MYO1E: variants seen among roughly 807,000 people sequenced by gnomAD.
MYO1E encodes myosin IE.
MYO1E carries 68 observed loss-of-function variants against 151.1 expected under a neutral mutation model. That is an observed-to-expected ratio of 0.45 (90% CI 0.37 to 0.55). The LOEUF (loss-of-function observed/expected upper bound fraction) is 0.55, where lower values mean the gene tolerates loss of function less well. Among genes scored for constraint, MYO1E ranks in the 20% least tolerant of loss-of-function variants. MYO1E has a pLI of 0.00. For missense variants in MYO1E, 1,363 were observed against 1,389.3 expected, an observed-to-expected ratio of 0.98 and a Z score of 0.30; for synonymous variants, 601 against 501.7, an observed-to-expected ratio of 1.20 and a Z score of -2.64.
chr15:59,272,961 T>A (rs1190327039), intron 1 of MYO1E, among the ~76,000 whole-genome samples: 5 of 152,222 alleles, frequency 3.3e-5, no homozygotes, highest in African/African-American at 1.2e-4. Flanking sequence ...AAAGGCTATG[T>A]CACACGGTCA....
At chr15:59,147,558 T>C (rs1020781714) in intron 26 of MYO1E, among the ~76,000 whole-genome samples, 4 of 120,236 alleles carry the variant, frequency 3.3e-5, no homozygotes, top group Non-Finnish European at 6.5e-5. Flanking sequence ...GATCGCGCCA[T>C]TGCACTCCAG....
intron 1 of MYO1E, among the ~76,000 whole-genome samples, chr15:59,329,357 T>G (rs2098005048): frequency 6.6e-6 from 1 of 152,160 alleles, no homozygotes; most frequent in African/African-American, 2.4e-5. Flanking sequence ...GTGCCATAGC[T>G]AGAAAGTGGT....
At chr15:59,208,146 A>G in intron 14 of MYO1E, 2 of 1,433,278 alleles carry the variant, frequency 1.4e-6, no homozygotes, top group Non-Finnish European at 1.9e-6. Flanking sequence ...GGATTATATA[A>G]CGAAATTTTG....
intron 26 of MYO1E, among the ~76,000 whole-genome samples, chr15:59,138,743 A>G (rs1433348558): frequency 3.3e-5 from 5 of 152,188 alleles, no homozygotes; most frequent in Non-Finnish European, 5.9e-5. Context: ...CAGGTGCCAC[A>G]GAAGCCTGTA....
At chr15:59,333,299 G>A (rs2080708925) in intron 1 of MYO1E, among the ~76,000 whole-genome samples, 1 of 152,036 alleles carries the variant, frequency 6.6e-6, no homozygotes, top group South Asian at 2.1e-4. Context: ...GAGTGCAGTG[G>A]TGCAATCTTG....
intron 13 of MYO1E, among the ~76,000 whole-genome samples, chr15:59,209,963 T>C (rs977327112): frequency 6.6e-6 from 1 of 150,914 alleles, no homozygotes; most frequent in Non-Finnish European, 1.5e-5. Flanking sequence ...GCCTCCAGAG[T>C]AGCTGGGACT....
chr15:59,191,332 CAGAGAGAGAGAGAGAGAGAG>C (rs34694267), intron 17 of MYO1E, among the ~76,000 whole-genome samples: 1 of 105,660 alleles, frequency 9.5e-6, no homozygotes, highest in Non-Finnish European at 2.1e-5. Context: ...CAGACAGAGA[CAGAGAGAGAGAGAGAGAGAG>C]AGAGAGAGAG....
At chr15:59,366,160 G>A (rs1264848647) in intron 1 of MYO1E, among the ~76,000 whole-genome samples, 2 of 151,770 alleles carry the variant, frequency 1.3e-5, no homozygotes, top group Non-Finnish European at 2.9e-5. Flanking sequence ...TGTATTTTTA[G>A]TAGAGACGGG....
At chr15:59,174,790 C>G (rs3816815) in intron 19 of MYO1E, among the ~76,000 whole-genome samples, 113,478 of 151,780 alleles carry the variant, frequency 0.75, 44,390 homozygotes, top group East Asian at 0.93. Flanking sequence ...TCACCAAGGA[C>G]CAGCGGAGCA....
Position 59,160,890 on chromosome 15 carries a change from C to T in MYO1E, c.2785+183G>A, listed in dbSNP as rs375288139. Among the ~76,000 whole-genome samples the T allele has an allele frequency of 1.4e-4, 22 of 152,168 alleles. No homozygotes were observed. The South Asian group carries it at 4.3e-3, about 30-fold the overall frequency. ...ACTAAGTCCCTCAGAAACTTTTAAC[C>T]TGCTCATTTTCCTTGCTGTTGCTTT... is the stretch of plus-strand genomic sequence containing the variant. On this transcript the variant is annotated intron_variant, in intron 24 of 27. Transcript: ENST00000288235.
At chr15:59,266,000 A>T (rs184542375) in intron 2 of MYO1E, among the ~76,000 whole-genome samples, 133 of 152,146 alleles carry the variant, frequency 8.7e-4, no homozygotes, top group African/African-American at 3.0e-3. Context: ...AAAAAATAAA[A>T]TGGCTGTTTC....
At chr15:59,168,953 T>A (rs1367477289) in intron 22 of MYO1E, among the ~76,000 whole-genome samples, 2 of 152,210 alleles carry the variant, frequency 1.3e-5, no homozygotes, top group African/African-American at 4.8e-5. Flanking sequence ...TCAGTACATA[T>A]TATTAAAAGA....
intron 4 of MYO1E, among the ~76,000 whole-genome samples, chr15:59,239,924 T>C (rs2080089900): frequency 6.6e-6 from 1 of 152,212 alleles, no homozygotes. Context: ...TGAGAACATA[T>C]TGTTTCTTCT....
intron 18 of MYO1E, among the ~76,000 whole-genome samples, chr15:59,179,910 C>T (rs2079648344): frequency 6.6e-6 from 1 of 152,252 alleles, no homozygotes; most frequent in African/African-American, 2.4e-5. Context: ...CACGTGAGAG[C>T]ACATCCAGGG....
At chr15:59,254,741 T>C (rs986653287) in intron 4 of MYO1E, among the ~76,000 whole-genome samples, 6 of 152,290 alleles carry the variant, frequency 3.9e-5, no homozygotes, top group Middle Eastern at 3.4e-3. Context: ...ATACGTATGA[T>C]AAGATTGTGA....
At chr15:59,193,630 C>T (rs1340006487) in intron 17 of MYO1E, among the ~76,000 whole-genome samples, 2 of 152,070 alleles carry the variant, frequency 1.3e-5, no homozygotes, top group East Asian at 3.8e-4. Context: ...ACGGTCACCT[C>T]GAACTAACAG....
At chr15:59,366,995 CGCAAAAAA>C (rs1333595750) in intron 1 of MYO1E, among the ~76,000 whole-genome samples, 9 of 107,318 alleles carry the variant, frequency 8.4e-5, no homozygotes, top group Non-Finnish European at 1.1e-4. Context: ...GCTGCATTTT[CGCAAAAAA>C]AAAAAAAAAA....
intron 17 of MYO1E, among the ~76,000 whole-genome samples, chr15:59,191,695 A>C (rs1295082874): frequency 1.3e-5 from 2 of 152,210 alleles, no homozygotes; most frequent in Non-Finnish European, 2.9e-5. Context: ...TCTGGTAGAA[A>C]TGAGTCTAGC....
In MYO1E at chr15:59,159,361, C is replaced by G. The variant is rs1173012672; in HGVS notation, c.2786-982G>C. ...AACATAGCCTGCTGGTTATTTGCAG[C>G]CTTTCTTTGCCCGGCTCTGTGCCCT... is the stretch of plus-strand genomic sequence containing the variant. On this transcript the variant is annotated intron_variant, in intron 24 of 27. Coordinates refer to ENST00000288235, the MANE Select transcript of MYO1E (RefSeq NM_004998.4). The surrounding 1 kb of genome is among the most constrained non-coding windows in gnomAD (Gnocchi z 4.4). Among the ~76,000 whole-genome samples the G allele has an allele frequency of 6.6e-6, 1 of 152,248 alleles. No individual in the cohort carries two copies. The highest frequency in any genetic ancestry group is 2.4e-5 in the African/African-American group (1 of 41,472).
Sources: gnomAD v4.1 joint callset for allele counts (sites outside exome capture counted in the v4.1 genomes callset) on GRCh38, gnomAD v4.1.1 for gene constraint, Gnocchi (gnomAD v3.1) non-coding constraint, MANE v1.5 for transcripts, NCBI Gene and HGNC (gene_info 2026-07-23, HGNC 2026-07-21) for gene names.